NUDT9: variants seen among roughly 807,000 people sequenced by gnomAD.
NUDT9 encodes nudix hydrolase 9, also known as ADP-ribose pyrophosphatase.
In NUDT9, 31 loss-of-function variants were observed where a neutral mutation model predicts 41.0. The ratio of observed to expected loss-of-function variants is 0.76; its 90% CI spans 0.57 to 1.02. The LOEUF (loss-of-function observed/expected upper bound fraction) is 1.02. Ranked by LOEUF, NUDT9 falls within the 50% of genes least tolerant of loss-of-function variation. NUDT9 has a pLI of 0.00. For missense variants in NUDT9, 380 were observed against 431.4 expected, an observed-to-expected ratio of 0.88 and a Z score of 1.06; for synonymous variants, 146 against 147.6, an observed-to-expected ratio of 0.99 and a Z score of 0.08.
chr4:87,449,073 A>G (rs1211918302), intron 4 of NUDT9, 69 bp from the exon 5 acceptor site: 1 of 863,032 alleles, frequency 1.2e-6, no homozygotes, highest in Non-Finnish European at 1.9e-6. Context: ...TTGTAACTTT[A>G]TCTCAAGTTT....
chr4:87,453,092 G>C (rs1035874118), intron 6 of NUDT9, among the ~76,000 whole-genome samples: 5 of 152,056 alleles, frequency 3.3e-5, no homozygotes, highest in Non-Finnish European at 7.4e-5. Context: ...GATTACAGGC[G>C]TGAGCCACCG....
In NUDT9 at chr4:87,441,891, A is replaced by G; in HGVS notation, c.506A>G (p.His169Arg). The G allele has an allele frequency of 6.2e-7, 1 of 1,613,058 alleles. No homozygotes were observed. Among genetic ancestry groups the G allele is most frequent in the Non-Finnish European group, 8.5e-7 (1 of 1,179,568 alleles). ...RGLLGRWGPN[H>R]AADPIITRWK... is the part of the protein sequence containing the mutation. ...CTTTTGGGGCGATGGGGCCCAAATCACGCTGCAGATCCCATTATAACCAGG... is the reference window on the plus strand; with the variant it reads ...CTTTTGGGGCGATGGGGCCCAAATCGCGCTGCAGATCCCATTATAACCAGG... Residue 169 changes from histidine (H) to arginine (R), a missense_variant, in exon 4 of 8, where the codon CAC (histidine) becomes CGC (arginine). His to Arg is a conservative substitution (Grantham distance 29). Transcript: ENST00000302174.
intron 1 of NUDT9, among the ~76,000 whole-genome samples, chr4:87,426,500 C>G (rs76122080): frequency 0.02 from 2,997 of 151,778 alleles, 105 homozygotes; most frequent in African/African-American, 0.068. Context: ...ACTTGTGCCT[C>G]CAGGGTTCAA....
At chr4:87,431,852 A>ATTT in intron 1 of NUDT9, among the ~76,000 whole-genome samples, 1 of 152,084 alleles carries the variant, frequency 6.6e-6, no homozygotes, top group Admixed American at 6.6e-5. Flanking sequence ...TGCCCGGCTA[A>ATTT]TTTTTGTATT....
chr4:87,444,894 GTTCT>G (rs1319375735), intron 4 of NUDT9, among the ~76,000 whole-genome samples: 1 of 152,140 alleles, frequency 6.6e-6, no homozygotes, highest in Non-Finnish European at 1.5e-5. Context: ...TTAAGTTGAT[GTTCT>G]TTGTTATCTC....
chr4:87,424,489 C>A (rs1721317454), intron 1 of NUDT9, among the ~76,000 whole-genome samples: 1 of 152,128 alleles, frequency 6.6e-6, no homozygotes. Flanking sequence ...GTCTTGAACT[C>A]TTGACCTCGT....
At chr4:87,440,807 C>G (rs1722171177) in intron 3 of NUDT9, among the ~76,000 whole-genome samples, 1 of 151,874 alleles carries the variant, frequency 6.6e-6, no homozygotes, top group African/African-American at 2.4e-5. Context: ...GATCATGCCA[C>G]CGCACTCCAG....
rs1723116232 is a variant in NUDT9, at chr4:87,459,379, C to T, written c.*1358C>T. On this transcript the variant is annotated 3_prime_UTR_variant, in exon 8 of 8. Transcript: ENST00000302174. ...TTATCTGTACAACAAACCCTCATGA[C>T]ACAAGTTTACCTATGTAACAAACCT... The T allele has an allele frequency of 2.0e-5, 3 of 152,164 alleles. No individual in the cohort carries two copies. Among genetic ancestry groups the T allele is most frequent in the African/African-American group, 7.2e-5 (3 of 41,450 alleles). The allele number at this position is 152,164 out of a possible 1,614,324, so 9.4% of individuals were successfully genotyped here. A position where few individuals can be genotyped will look rare whatever the true frequency, so the allele number is the denominator to read the frequency against.
intron 6 of NUDT9, 38 bp downstream of exon 6, chr4:87,451,773 G>A: frequency 1.9e-6 from 3 of 1,564,748 alleles, no homozygotes; most frequent in Non-Finnish European, 1.7e-6. Flanking sequence ...TTAGTTCTGT[G>A]GATTGATGAA....
chr4:87,439,677 A>C (rs114857826), intron 3 of NUDT9, among the ~76,000 whole-genome samples: 336 of 152,144 alleles, frequency 2.2e-3, no homozygotes, highest in Non-Finnish European at 3.6e-3. Flanking sequence ...CAACAAAAAA[A>C]CCATCAGCTC....
chr4:87,459,319 T>G lies in NUDT9; in HGVS notation c.*1298T>G, dbSNP rs1390116751. 1 of 152,162 alleles carries G rather than the reference T, an allele frequency of 6.6e-6. No homozygotes were observed. The highest frequency in any genetic ancestry group is 1.5e-5 in the Non-Finnish European group (1 of 68,020). 9.4% of individuals were successfully genotyped at this position (152,162 alleles called of 1,614,324 possible). On this transcript the variant is annotated 3_prime_UTR_variant, in exon 8 of 8. Coordinates refer to ENST00000302174, the MANE Select transcript of NUDT9 (RefSeq NM_024047.5). ...GAGGGAGAGGATCAGGAAAAATAAC[T>G]AATGAGTACTAGGCTTAATACCTTG...
chr4:87,437,267 A>AAAT (rs1483911285), intron 2 of NUDT9, among the ~76,000 whole-genome samples: 20 of 131,718 alleles, frequency 1.5e-4, no homozygotes, highest in Non-Finnish European at 1.9e-4. Context: ...AAAAAAAAAA[A>AAAT]AGAAAGAAAG....
At position 87,435,155 on chromosome 4, in the gene NUDT9, T is replaced by TAA; in HGVS notation, c.283_284dup (p.Pro96SerfsTer81). On this transcript the variant is annotated frameshift_variant, in exon 2 of 8. Transcript: ENST00000302174. LOFTEE classifies it high-confidence loss of function. ...GCTGGCTTGTTGAGTGGCAAGACTA[T>TAA]AAGCCTGTGGAATACACTGCAGTCT... 6.2e-7 allele frequency: 1 copy of TAA among 1,614,232 alleles called. No homozygotes were observed. The highest frequency in any genetic ancestry group is 8.5e-7 in the Non-Finnish European group (1 of 1,180,028).
At chr4:87,439,193 T>G (rs1489768054) in intron 3 of NUDT9, among the ~76,000 whole-genome samples, 1 of 149,704 alleles carries the variant, frequency 6.7e-6, no homozygotes, top group African/African-American at 2.5e-5. Flanking sequence ...TACCCAAGAC[T>G]GGGTAATGTA....
At chr4:87,425,391 C>CTTTT (rs70957241) in intron 1 of NUDT9, among the ~76,000 whole-genome samples, 2 of 116,740 alleles carry the variant, frequency 1.7e-5, no homozygotes, top group African/African-American at 3.3e-5. Context: ...TGTTCTTTTC[C>CTTTT]TTTTTTTTTT....
intron 1 of NUDT9, among the ~76,000 whole-genome samples, chr4:87,425,201 A>T (rs1262427559): frequency 3.3e-5 from 5 of 151,986 alleles, no homozygotes; most frequent in Non-Finnish European, 7.4e-5. Context: ...TAAAAAAAAA[A>T]AACTGGGCCT....
At position 87,435,262 on chromosome 4, in the gene NUDT9, G is replaced by A. The variant is rs764532043; in HGVS notation, c.347+42G>A. 2.6e-6 allele frequency: 4 copies of A among 1,560,396 alleles called. No homozygotes were observed. In the South Asian group the frequency reaches 3.6e-5, roughly 14 times the overall value. ...GCGTTAGCTGGGAATAAGACTTTTA[G>A]AGAAGGTAATGGTTTTATTTGTAAA... On this transcript the variant is annotated intron_variant, in intron 2 of 7. Transcript: ENST00000302174.
intron 7 of NUDT9, among the ~76,000 whole-genome samples, chr4:87,456,453 G>A (rs1172051622): frequency 6.6e-6 from 1 of 152,114 alleles, no homozygotes; most frequent in Non-Finnish European, 1.5e-5. Context: ...AGTGATCTGG[G>A]TGTATTTGAA....
At position 87,422,975 on chromosome 4, in the gene NUDT9, A is replaced by G. The variant is rs1721211374; in HGVS notation, c.70A>G (p.Ile24Val). 13 of 1,613,042 alleles carry G rather than the reference A, an allele frequency of 8.1e-6. No individual in the cohort carries two copies. The highest frequency in any genetic ancestry group is 1.3e-5 in the African/African-American group (1 of 74,870). Residue 24 changes from isoleucine to valine, a missense_variant, in exon 1 of 8, where the codon ATC (isoleucine) becomes GTC (valine). Physicochemically the swap from Ile to Val is conservative, Grantham distance 29. Transcript: ENST00000302174. ...CTCTCTGGCCTTGGCCTCTGTGACTATCAGGTCCTCGCGCTGCCGCGGCAT... is the reference window on the plus strand; with the variant it reads ...CTCTCTGGCCTTGGCCTCTGTGACTGTCAGGTCCTCGCGCTGCCGCGGCAT... ...SLSLALASVT[I>V]RSSRCRGIQA...
Sources: allele counts gnomAD v4.1 joint callset (sites outside exome capture counted in the v4.1 genomes callset), GRCh38; gene constraint gnomAD v4.1.1; transcripts MANE v1.5; gene names NCBI Gene and HGNC (gene_info 2026-07-23, HGNC 2026-07-21).